The following HCN2 variants were observed in gnomAD, a reference collection of about 807,000 sequenced individuals.
HCN2 encodes hyperpolarization activated cyclic nucleotide gated potassium and sodium channel 2.
In HCN2, 20 loss-of-function variants were observed where a neutral mutation model predicts 52.3. The observed-to-expected ratio is 0.38, with a 90% CI of 0.27 to 0.56. The LOEUF (loss-of-function observed/expected upper bound fraction) is 0.56. Ranked by LOEUF, HCN2 falls within the 20% of genes least tolerant of loss-of-function variation. The pLI, the probability that HCN2 is intolerant of heterozygous loss-of-function variation, is 0.71. For synonymous variants in HCN2, 694 were observed against 537.0 expected, an observed-to-expected ratio of 1.29 and a Z score of -4.04; for missense variants, 981 against 1,207.7, an observed-to-expected ratio of 0.81 and a Z score of 2.78.
chr19:590,023 G>A lies in HCN2; in HGVS notation c.78G>A (p.Pro26=). 1.0e-5 allele frequency: 6 copies of A among 592,422 alleles called. No individual in the cohort carries two copies. Among genetic ancestry groups the A allele is most frequent in the Non-Finnish European group, 1.0e-5 (5 of 485,636 alleles). 36.7% of individuals were successfully genotyped at this position (592,422 alleles called of 1,614,324 possible). ...CCGCGCCGGGGCCGCCGCCGCCGCC[G>A]CCGCCCGCGCCCCCCCAACAGCAGC... ...ATPAPGPPPP[P]PPAPPQQQPP... Residue 26 remains proline, a synonymous_variant, in exon 1 of 8, where the codon CCG becomes CCA. Transcript: ENST00000251287. This position sits in a 1 kb window ranked among gnomAD's most constrained non-coding sequence, Gnocchi z 7.2.
intron 5 of HCN2, among the ~76,000 whole-genome samples, chr19:612,548 G>C (rs146612532): frequency 0.012 from 1,761 of 151,924 alleles, 32 homozygotes; most frequent in African/African-American, 0.041. Flanking sequence ...CGAGTAGCTG[G>C]GATTACAGGC....
intron 3 of HCN2, among the ~76,000 whole-genome samples, chr19:606,484 G>C (rs1421570164): frequency 1.3e-5 from 2 of 152,104 alleles, no homozygotes; most frequent in Non-Finnish European, 2.9e-5. Context: ...CACAGAGCAA[G>C]ACCTGATCTC....
chr19:613,578 CGG>C (rs1568368600), intron 6 of HCN2, 90 bp downstream of exon 6: 2 of 219,554 alleles, frequency 9.1e-6, no homozygotes, highest in African/African-American at 7.0e-5. Flanking sequence ...GGGCCGGGGC[CGG>C]GGATGGGGAT....
At position 604,875 on chromosome 19, in the gene HCN2, G is replaced by A. The variant is rs1366556889; in HGVS notation, c.1057-186G>A. On this transcript the variant is annotated intron_variant, in intron 2 of 7. Transcript: ENST00000251287. ...AGAGGTGGGCGGGGTCCTGGGGTGG[G>A]GGCTGTGGGTTTGGAGGGCGGGGGT... is the stretch of plus-strand genomic sequence containing the variant. 5.4e-5 allele frequency among the ~76,000 whole-genome samples: 7 copies of A among 130,336 alleles called. 1 individual carries two copies. The highest frequency in any genetic ancestry group is 9.9e-5 in the Non-Finnish European group (6 of 60,492). 85.5% of individuals were successfully genotyped at this position (130,336 alleles called of 152,430 possible). A position where few individuals can be genotyped will look rare whatever the true frequency, so the allele number is the denominator to read the frequency against.
At chr19:593,124 G>T (rs771504281) in intron 1 of HCN2, among the ~76,000 whole-genome samples, 1 of 152,156 alleles carries the variant, frequency 6.6e-6, no homozygotes, top group Non-Finnish European at 1.5e-5. Flanking sequence ...GTTCTTCCTC[G>T]CTGCCCAGCT....
chr19:615,998 C>A lies in HCN2; in HGVS notation c.2194C>A (p.Gln732Lys), dbSNP rs1242710911. 7.1e-6 allele frequency: 11 copies of A among 1,558,214 alleles called. No individual in the cohort carries two copies. Among genetic ancestry groups the A allele is most frequent in the Non-Finnish European group, 8.6e-6 (10 of 1,157,940 alleles). ...CACCTCGGCCATCGCCACGCTGCAG[C>A]AGGCGGCGGCCATGAGCTTCTGCCC... ...QVTSAIATLQ[Q>K]AAAMSFCPQV... The change falls in exon 8 of 8, where the codon CAG becomes AAG. Residue 732 changes from glutamine to lysine, a missense_variant. By Grantham distance (53) the Gln-to-Lys change is moderately conservative. Around this residue, in one of 6 missense-constraint regions of HCN2, gnomAD observed 368 missense variants for 314.8 expected, o/e 1.17. Transcript: ENST00000251287.
chr19:613,618 GATGGGGAT>G (rs1983751741), intron 6 of HCN2, 130 bp downstream of exon 6: 10 of 156,218 alleles, frequency 6.4e-5, no homozygotes, highest in African/African-American at 2.9e-4. Flanking sequence ...CGGGGATGGG[GATGGGGAT>G]GGGGATGGGG....
rs753310782 is a variant in HCN2, at chr19:615,848, G to A, written c.2044G>A (p.Val682Ile). ...GGTGCAGCATGACCTCAACTCGGGC[G>A]TATTCAACAACCAGGAGAACGCCAT... ...HKVQHDLNSG[V>I]FNNQENAIIQ... Residue 682 changes from valine (V) to isoleucine (I), a missense_variant, in exon 8 of 8, where the codon GTA becomes ATA. Physicochemically the swap from Val to Ile is conservative, Grantham distance 29. Coordinates refer to ENST00000251287, the MANE Select transcript of HCN2 (RefSeq NM_001194.4). 45 of 1,612,778 alleles carry A rather than the reference G, an allele frequency of 2.8e-5. No individual in the cohort carries two copies. Among genetic ancestry groups the A allele is most frequent in the South Asian group, 2.2e-5 (2 of 91,002 alleles).
chr19:609,886 C>T (rs576705392), intron 4 of HCN2, among the ~76,000 whole-genome samples: 42 of 151,892 alleles, frequency 2.8e-4, no homozygotes, highest in South Asian at 8.3e-4. Context: ...GGCCACAGAG[C>T]GAGACAGTGT....
intron 1 of HCN2, among the ~76,000 whole-genome samples, chr19:596,799 C>T (rs982351859): frequency 6.6e-6 from 1 of 152,112 alleles, no homozygotes; most frequent in Non-Finnish European, 1.5e-5. Flanking sequence ...CAGGTCCCCT[C>T]TCTGGGGTCC....
intron 3 of HCN2, among the ~76,000 whole-genome samples, chr19:605,488 T>C (rs113491820): frequency 0.057 from 1,180 of 20,846 alleles, 112 homozygotes; most frequent in African/African-American, 0.26. Flanking sequence ...CTTACAGAGG[T>C]GGGGACCCAG....
rs370738682 is a variant in HCN2, at chr19:608,202, C to T, written c.1437+20C>T. ...GAGAAGGTCTGAGGGAGGCGGGCCC[C>T]GGCCTGGGTTCTGATGGGGGAGGCG... On this transcript the variant is annotated intron_variant, in intron 4 of 7. Coordinates refer to ENST00000251287, the MANE Select transcript of HCN2 (RefSeq NM_001194.4). 6.7e-5 allele frequency: 107 copies of T among 1,606,066 alleles called. No individual in the cohort carries two copies. Among genetic ancestry groups the T allele is most frequent in the East Asian group, 1.1e-4 (5 of 44,806 alleles).
chr19:605,263 C>T lies in HCN2; in HGVS notation c.1218+41C>T, dbSNP rs747317154. On this transcript the variant is annotated intron_variant, in intron 3 of 7. Coordinates refer to ENST00000251287, the MANE Select transcript of HCN2 (RefSeq NM_001194.4). Reference sequence around the variant, plus strand: ...CCTGACGGAGGGGGAGACGCAGGCTCCCATACAGAGGGGGGACCCAGGCCC... The same window carrying T: ...CCTGACGGAGGGGGAGACGCAGGCTTCCATACAGAGGGGGGACCCAGGCCC... 4.4e-6 allele frequency: 7 copies of T among 1,597,258 alleles called. 1 individual carries two copies. In the African/African-American group the frequency reaches 5.4e-5, roughly 12 times the overall value.
intron 5 of HCN2, among the ~76,000 whole-genome samples, chr19:612,437 AT>A: frequency 2.1e-5 from 2 of 94,692 alleles, no homozygotes; most frequent in Admixed American, 1.1e-4. Context: ...TGAGAGAGAG[AT>A]GGAGTCTCGC....
intron 1 of HCN2, among the ~76,000 whole-genome samples, chr19:595,012 G>A (rs1982982351): frequency 6.6e-6 from 1 of 151,990 alleles, no homozygotes. Flanking sequence ...ACCAGCCTGG[G>A]CAACATAGCA....
Position 590,043 on chromosome 19 carries a change from A to AGCAGCC in HCN2, c.101_106dup (p.Gln34_Pro35dup). On this transcript the variant is annotated inframe_insertion, in exon 1 of 8. Coordinates refer to ENST00000251287, the MANE Select transcript of HCN2 (RefSeq NM_001194.4). This position sits in a 1 kb window ranked among gnomAD's most constrained non-coding sequence, Gnocchi z 7.2. ...CCGCCGCCGCCCGCGCCCCCCCAACAGCAGCCGCCGCCGCCGCCGCCGCCC... is the reference window on the plus strand; with the variant it reads ...CCGCCGCCGCCCGCGCCCCCCCAACAGCAGCCGCAGCCGCCGCCGCCGCCGCCGCCC... 1.9e-6 allele frequency: 1 copy of AGCAGCC among 525,778 alleles called. No individual in the cohort carries two copies. The highest frequency in any genetic ancestry group is 2.3e-6 in the Non-Finnish European group (1 of 428,338). The allele number at this position is 525,778 out of a possible 1,614,324, so 32.6% of individuals were successfully genotyped here.
In HCN2 at chr19:616,341, C is replaced by A; in HGVS notation, c.2537C>A (p.Pro846Gln). The A allele has an allele frequency of 1.7e-6, 2 of 1,208,940 alleles. No individual in the cohort carries two copies. Among genetic ancestry groups the A allele is most frequent in the South Asian group, 2.0e-5 (1 of 49,092 alleles). The allele number at this position is 1,208,940 out of a possible 1,614,324, so 74.9% of individuals were successfully genotyped here. A position where few individuals can be genotyped will look rare whatever the true frequency, so the allele number is the denominator to read the frequency against. The change falls in exon 8 of 8, where the codon CCG (proline) becomes CAG (glutamine). Residue 846 changes from proline to glutamine, a missense_variant. Around this residue, in one of 6 missense-constraint regions of HCN2, gnomAD observed 368 missense variants for 314.8 expected, o/e 1.17. Transcript: ENST00000251287. ...ACACGCCCGGCCAGCAGCTCCACACCGCGCTTGGGGCCCACGCCCGCTGCC... is the reference window on the plus strand; with the variant it reads ...ACACGCCCGGCCAGCAGCTCCACACAGCGCTTGGGGCCCACGCCCGCTGCC... ...ASTRPASSST[P>Q]RLGPTPAARA...
At chr19:604,794 G>C in intron 2 of HCN2, among the ~76,000 whole-genome samples, 1 of 97,258 alleles carries the variant, frequency 1.0e-5, no homozygotes, top group African/African-American at 5.3e-5. Flanking sequence ...TGTGGATTTG[G>C]GGGGTGTCCT....
chr19:607,894 G>C lies in HCN2; in HGVS notation c.1219-70G>C, dbSNP rs544989959. On this transcript the variant is annotated intron_variant, in intron 3 of 7. Coordinates refer to ENST00000251287, the MANE Select transcript of HCN2 (RefSeq NM_001194.4). ...GTGCTTGGCAGAGGGTGGGCGCTGGGCCCTTGAGGACCGAGGGCTCCTGGG... is the reference window on the plus strand; with the variant it reads ...GTGCTTGGCAGAGGGTGGGCGCTGGCCCCTTGAGGACCGAGGGCTCCTGGG... 4,473 of 1,216,154 alleles carry C rather than the reference G, an allele frequency of 3.7e-3. 9 individuals are homozygous for C. Among genetic ancestry groups the C allele is most frequent in the Non-Finnish European group, 4.3e-3 (3,654 of 850,752 alleles). The allele number at this position is 1,216,154 out of a possible 1,614,324, so 75.3% of individuals were successfully genotyped here.
Sources: allele counts gnomAD v4.1 joint callset (sites outside exome capture counted in the v4.1 genomes callset), GRCh38; gene constraint gnomAD v4.1.1; regional missense constraint gnomAD v4.1.1; non-coding constraint Gnocchi (gnomAD v3.1); transcripts MANE v1.5; gene names NCBI Gene and HGNC (gene_info 2026-07-23, HGNC 2026-07-21).